The following MET variants were observed in gnomAD, a reference collection of about 807,000 sequenced individuals.
MET encodes the protein hepatocyte growth factor receptor.
Under a neutral mutation model 133.1 loss-of-function variants are expected in MET, and 48 were observed. That is an observed-to-expected ratio of 0.36 (90% CI 0.29 to 0.46). The LOEUF (loss-of-function observed/expected upper bound fraction) is 0.46. MET is among the 20% of genes least tolerant of loss of function. The pLI is 1.00. For synonymous variants in MET, 628 were observed against 616.5 expected (o/e 1.02, Z -0.28); for missense variants, 1,442 against 1,695.9 (o/e 0.85, Z 2.63).
At chr7:116,733,791 A>G (rs535419182) in intron 3 of MET, among the ~76,000 whole-genome samples, 84 of 152,304 alleles carry the variant, frequency 5.5e-4, no homozygotes, top group African/African-American at 1.9e-3. Flanking sequence ...TACTATACAA[A>G]CGAATGAAGC....
At chr7:116,752,405 T>C (rs1172714209) in intron 5 of MET, among the ~76,000 whole-genome samples, 4 of 152,208 alleles carry the variant, frequency 2.6e-5, no homozygotes, top group Non-Finnish European at 2.9e-5. Context: ...ATCTCCCCTA[T>C]CCAGACAGGT....
Position 116,771,602 on chromosome 7 carries a change from G to A in MET, c.2835G>A (p.Leu945=). The part of the protein sequence containing the change: ...IAGVVSISTA[L]LLLLGFFLWL... ...GTGTTGTCTCAATATCAACAGCACT[G>A]TTATTACTACTTGGGTTTTTCCTGT... is the stretch of plus-strand genomic sequence containing the variant. Residue 945 remains leucine, a synonymous_variant, in exon 13 of 21, where the codon CTG becomes CTA. Coordinates refer to ENST00000397752, the MANE Select transcript of MET (RefSeq NM_000245.4). 2.5e-6 allele frequency: 4 copies of A among 1,613,892 alleles called. No individual in the cohort carries two copies. In the African/African-American group the frequency reaches 4.0e-5, roughly 16 times the overall value.
chr7:116,729,443 C>T (rs2116766020), intron 2 of MET, among the ~76,000 whole-genome samples: 1 of 152,212 alleles, frequency 6.6e-6, no homozygotes, highest in East Asian at 1.9e-4. Context: ...GACATTTGAC[C>T]TTAAGGAATA....
In MET at chr7:116,700,573, T is replaced by TATTTACACAGATTTTATCAG. The variant is rs1413175228; in HGVS notation, c.1200+325_1200+344dup. On this transcript the variant is annotated intron_variant, in intron 2 of 20. Transcript: ENST00000397752. ...GTTATTTCCCATATAAGCTTTTTTATATTTACACAGATTTTATCAGATTTA... is the reference window on the plus strand; with the variant it reads ...GTTATTTCCCATATAAGCTTTTTTATATTTACACAGATTTTATCAGATTTACACAGATTTTATCAGATTTA... Among the ~76,000 whole-genome samples, 3 of 152,240 alleles carry TATTTACACAGATTTTATCAG rather than the reference T, an allele frequency of 2.0e-5. No individual in the cohort carries two copies. In the South Asian group the frequency reaches 6.2e-4, roughly 32 times the overall value.
At chr7:116,780,423 T>C (rs185122189) in intron 17 of MET, among the ~76,000 whole-genome samples, 1 of 152,266 alleles carries the variant, frequency 6.6e-6, no homozygotes, top group Non-Finnish European at 1.5e-5. Context: ...CAGTGAACTT[T>C]TGCAGATAAG....
intron 5 of MET, among the ~76,000 whole-genome samples, chr7:116,750,145 C>T (rs1793859335): frequency 6.6e-6 from 1 of 151,850 alleles, no homozygotes; most frequent in African/African-American, 2.4e-5. Context: ...GCAAAAAGAA[C>T]ACAGCTGGTG....
At chr7:116,677,946 A>T (rs142504410) in intron 1 of MET, among the ~76,000 whole-genome samples, 1 of 151,784 alleles carries the variant, frequency 6.6e-6, no homozygotes, top group African/African-American at 2.4e-5. Flanking sequence ...TTCAGGATAA[A>T]CTCCCCCTTT....
intron 18 of MET, 22 bp from the exon 19 acceptor site, chr7:116,783,282 A>G: frequency 6.2e-7 from 1 of 1,614,046 alleles, no homozygotes; most frequent in South Asian, 1.1e-5. Context: ...GCCACGGGTA[A>G]TAATTTTTGT....
At chr7:116,695,869 G>A (rs1796944865) in intron 1 of MET, 2 of 407,366 alleles carry the variant, frequency 4.9e-6, no homozygotes, top group Non-Finnish European at 1.0e-5. Flanking sequence ...GCTTCATCTT[G>A]TCCTCTGGTC....
At chr7:116,777,087 G>A (rs1795016510) in intron 15 of MET, among the ~76,000 whole-genome samples, 1 of 152,014 alleles carries the variant, frequency 6.6e-6, no homozygotes, top group South Asian at 2.1e-4. Context: ...CTTTTCAGTG[G>A]TTCCACTGTG....
rs200003116 is a variant in MET at position 116,731,688 on chromosome 7, A to G, written c.1221A>G (p.Ser407=). The G allele has an allele frequency of 5.0e-6, 8 of 1,614,048 alleles. No individual in the cohort carries two copies. The highest frequency in any genetic ancestry group is 6.8e-6 in the Non-Finnish European group (8 of 1,179,988). The part of the protein sequence containing the change: ...CFNRTLLRNS[S]GCEARRDEYR... ...TCCAGACACTTCTGAGAAATTCATC[A>G]GGCTGTGAAGCGCGCCGTGATGAAT... The change falls in exon 3 of 21, where the codon TCA becomes TCG. Residue 407 remains serine, a synonymous_variant. Coordinates refer to ENST00000397752, the MANE Select transcript of MET (RefSeq NM_000245.4).
intron 12 of MET, 77 bp from the exon 13 acceptor site, chr7:116,771,421 C>A (rs2116990521): frequency 1.3e-6 from 2 of 1,560,964 alleles, no homozygotes; most frequent in Non-Finnish European, 1.8e-6. Flanking sequence ...GTATTTGGGA[C>A]CCAAAGTGCT....
intron 2 of MET, among the ~76,000 whole-genome samples, chr7:116,715,108 G>A (rs1167848353): frequency 6.6e-6 from 1 of 152,150 alleles, no homozygotes; most frequent in East Asian, 1.9e-4. Flanking sequence ...AGGGATTTAT[G>A]TCTTTTTTAT....
At chr7:116,739,530 A>C (rs1330820652) in intron 3 of MET, among the ~76,000 whole-genome samples, 1 of 152,176 alleles carries the variant, frequency 6.6e-6, no homozygotes, top group African/African-American at 2.4e-5. Flanking sequence ...ACTACTCTTA[A>C]CCATTACATC....
At chr7:116,686,636 T>A (rs1357743613) in intron 1 of MET, among the ~76,000 whole-genome samples, 2 of 152,248 alleles carry the variant, frequency 1.3e-5, no homozygotes, top group Non-Finnish European at 2.9e-5. Context: ...AATTTGGTCT[T>A]AAATAGCTGT....
chr7:116,776,043 G>A (rs901778019), intron 15 of MET, among the ~76,000 whole-genome samples: 4 of 151,770 alleles, frequency 2.6e-5, no homozygotes, highest in Admixed American at 2.0e-4. Flanking sequence ...ATCAAAAACC[G>A]GGAAATGAAC....
intron 1 of MET, among the ~76,000 whole-genome samples, chr7:116,695,515 T>C (rs1030000033): frequency 1.3e-5 from 2 of 152,176 alleles, no homozygotes; most frequent in African/African-American, 4.8e-5. Flanking sequence ...GGTGATTGCC[T>C]GGAGTCACAC....
intron 2 of MET, among the ~76,000 whole-genome samples, chr7:116,720,186 G>A (rs1054184097): frequency 6.7e-6 from 1 of 150,104 alleles, no homozygotes; most frequent in African/African-American, 2.5e-5. Flanking sequence ...AGTTCTCCTT[G>A]AAGAGGTCCT....
intron 14 of MET, among the ~76,000 whole-genome samples, chr7:116,773,283 C>T (rs370073932): frequency 6.6e-6 from 1 of 152,198 alleles, no homozygotes; most frequent in East Asian, 1.9e-4. Flanking sequence ...GAGCTTTCCT[C>T]TCTACATCTG....
Sources: allele counts gnomAD v4.1 joint callset (sites outside exome capture counted in the v4.1 genomes callset), GRCh38; gene constraint gnomAD v4.1.1; transcripts MANE v1.5; gene names NCBI Gene and HGNC (gene_info 2026-07-23, HGNC 2026-07-21).